The following GALNTL6 variants were observed in gnomAD, a reference collection of about 807,000 sequenced individuals.
GALNTL6 encodes polypeptide N-acetylgalactosaminyltransferase like 6, also known as polypeptide N-acetylgalactosaminyltransferase-like 6.
Under a neutral mutation model 73.7 loss-of-function variants are expected in GALNTL6, and 46 were observed. The ratio of observed to expected loss-of-function variants is 0.62; its 90% CI spans 0.49 to 0.80. The LOEUF is 0.80. Ranked by LOEUF, GALNTL6 falls within the 30% of genes least tolerant of loss-of-function variation. The probability of loss-of-function intolerance (pLI) is 0.00; values close to 1 mark genes in which losing one functional copy is unlikely to be tolerated. For missense variants in GALNTL6, 604 were observed against 755.0 expected (o/e 0.80, Z 2.34); for synonymous variants, 259 against 263.7 (o/e 0.98, Z 0.17).
chr4:173,035,959 CTTAG>C (rs1226151298), intron 12 of GALNTL6, among the ~76,000 whole-genome samples: 1 of 152,172 alleles, frequency 6.6e-6, no homozygotes, highest in African/African-American at 2.4e-5. Context: ...ATCACTATTA[CTTAG>C]TTATTTACTT....
At chr4:172,715,175 T>C (rs560624260) in intron 5 of GALNTL6, among the ~76,000 whole-genome samples, 3 of 152,174 alleles carry the variant, frequency 2.0e-5, no homozygotes, top group Non-Finnish European at 4.4e-5. Context: ...GACTGTCTCT[T>C]TTATTAGGCA....
At chr4:172,806,063 A>C (rs1740940517) in intron 5 of GALNTL6, among the ~76,000 whole-genome samples, 1 of 152,174 alleles carries the variant, frequency 6.6e-6, no homozygotes, top group Admixed American at 6.5e-5. Flanking sequence ...AGCCATTTCT[A>C]CCATCTTCAG....
intron 2 of GALNTL6, among the ~76,000 whole-genome samples, chr4:172,181,872 C>A (rs1199503170): frequency 6.6e-6 from 1 of 151,856 alleles, no homozygotes; most frequent in African/African-American, 2.4e-5. Context: ...CCCACCACCA[C>A]GCCCGGCTAA....
intron 9 of GALNTL6, among the ~76,000 whole-genome samples, chr4:172,938,045 A>G (rs1748714381): frequency 6.6e-6 from 1 of 152,236 alleles, no homozygotes; most frequent in African/African-American, 2.4e-5. Flanking sequence ...GTTTCTTAGC[A>G]AAGTGTAACA....
chr4:172,303,346 T>C (rs1371117877), intron 3 of GALNTL6, among the ~76,000 whole-genome samples: 3 of 152,172 alleles, frequency 2.0e-5, no homozygotes, highest in Admixed American at 1.3e-4. Flanking sequence ...CACTTCACTC[T>C]GATTAAGATG....
rs150046481 is a variant in GALNTL6 at position 172,142,319 on chromosome 4, A to G, written c.139-87337A>G. 3.5e-4 allele frequency among the ~76,000 whole-genome samples: 54 copies of G among 152,186 alleles called. 1 individual carries two copies. The highest frequency in any genetic ancestry group is 1.2e-3 in the African/African-American group (50 of 41,564). On this transcript the variant is annotated intron_variant, in intron 2 of 12. Coordinates refer to ENST00000506823, the MANE Select transcript of GALNTL6 (RefSeq NM_001034845.3). ...TTTTGTGCAGTCCTTAAACATTCAG[A>G]CTTTCTGATCTTGCAAAGGTCTACA...
chr4:172,684,694 C>T (rs141617867), intron 5 of GALNTL6, among the ~76,000 whole-genome samples: 107 of 152,210 alleles, frequency 7.0e-4, no homozygotes, highest in Non-Finnish European at 1.3e-3. Context: ...AGAGATGAAC[C>T]TTTGGTGGCT....
chr4:171,974,776 G>T (rs1249048311), intron 2 of GALNTL6, among the ~76,000 whole-genome samples: 1 of 151,922 alleles, frequency 6.6e-6, no homozygotes, highest in African/African-American at 2.4e-5. Context: ...TATGAATTTT[G>T]CAATAGCCTA....
At chr4:172,897,545 T>G (rs1746395123) in intron 8 of GALNTL6, among the ~76,000 whole-genome samples, 1 of 152,192 alleles carries the variant, frequency 6.6e-6, no homozygotes, top group Admixed American at 6.5e-5. Flanking sequence ...GCAGATGGTT[T>G]TTTATTATAG....
intron 5 of GALNTL6, among the ~76,000 whole-genome samples, chr4:172,784,586 C>G (rs1331891973): frequency 2.0e-5 from 3 of 152,008 alleles, no homozygotes; most frequent in Non-Finnish European, 4.4e-5. Flanking sequence ...ACTTTTCCAG[C>G]CTATTATTAC....
intron 2 of GALNTL6, among the ~76,000 whole-genome samples, chr4:172,045,799 T>A (rs1742202912): frequency 6.6e-6 from 1 of 151,700 alleles, no homozygotes; most frequent in South Asian, 2.1e-4. Context: ...CTAAACAAAT[T>A]CCTCCCATGT....
Position 172,866,321 on chromosome 4 carries a change from G to A in GALNTL6, c.924-16469G>A, listed in dbSNP as rs568531465. ...GGAAAGAGGTGGGGAGAAAGAGAGA[G>A]AGAGAAGGAGAAGGAGCATAGGCTA... On this transcript the variant is annotated intron_variant, in intron 7 of 12. Transcript: ENST00000506823. Among the ~76,000 whole-genome samples, 5 of 152,336 alleles carry A rather than the reference G, an allele frequency of 3.3e-5. No individual in the cohort carries two copies. The South Asian group carries it at 1.0e-3, about 32-fold the overall frequency.
At chr4:172,526,902 C>T (rs558707544) in intron 5 of GALNTL6, among the ~76,000 whole-genome samples, 2 of 144,952 alleles carry the variant, frequency 1.4e-5, no homozygotes, top group East Asian at 4.3e-4. Context: ...CAAGGAGTGA[C>T]ATTTGGCTTC....
intron 5 of GALNTL6, among the ~76,000 whole-genome samples, chr4:172,437,659 T>C (rs1453438200): frequency 6.6e-6 from 1 of 152,156 alleles, no homozygotes; most frequent in Non-Finnish European, 1.5e-5. Flanking sequence ...CATATTATAC[T>C]TTCCCTAATG....
At chr4:172,817,689 A>C (rs1162189837) in intron 7 of GALNTL6, among the ~76,000 whole-genome samples, 1 of 152,200 alleles carries the variant, frequency 6.6e-6, no homozygotes, top group Non-Finnish European at 1.5e-5. Context: ...TTGCTTTCTA[A>C]AAGTTTAGAG....
intron 2 of GALNTL6, among the ~76,000 whole-genome samples, chr4:171,842,828 G>A (rs1318444721): frequency 6.6e-6 from 1 of 151,992 alleles, no homozygotes; most frequent in Admixed American, 6.6e-5. Flanking sequence ...GATTTGGAGG[G>A]CACAAACATC....
At chr4:172,498,265 G>C (rs1255923703) in intron 5 of GALNTL6, among the ~76,000 whole-genome samples, 9 of 152,016 alleles carry the variant, frequency 5.9e-5, no homozygotes, top group Non-Finnish European at 1.0e-4. Context: ...TGGGATTATA[G>C]GCATGAGCCA....
chr4:171,858,754 A>C (rs1735755090), intron 2 of GALNTL6, among the ~76,000 whole-genome samples: 1 of 152,126 alleles, frequency 6.6e-6, no homozygotes, highest in Non-Finnish European at 1.5e-5. Context: ...GCATAAAAGG[A>C]ATGCTTACAG....
rs148167566 is a variant in GALNTL6 at position 172,429,093 on chromosome 4, G to T, written c.553+80404G>T. ...AGAGGCGAACAAGTTCTTTTATAAA[G>T]GAACTAATCCTATTCATGAAGGCAT... is the stretch of plus-strand genomic sequence containing the variant. On this transcript the variant is annotated intron_variant, in intron 5 of 12. Transcript: ENST00000506823. 5.5e-3 allele frequency among the ~76,000 whole-genome samples: 835 copies of T among 151,846 alleles called. 10 individuals carry two copies. Among genetic ancestry groups the T allele is most frequent in the African/African-American group, 0.019 (795 of 41,462 alleles).
Sources: gnomAD v4.1 joint callset for allele counts (sites outside exome capture counted in the v4.1 genomes callset) on GRCh38, gnomAD v4.1.1 for gene constraint, MANE v1.5 for transcripts, NCBI Gene and HGNC (gene_info 2026-07-23, HGNC 2026-07-21) for gene names.